CFAP61: variants seen among roughly 807,000 people sequenced by gnomAD.
CFAP61 encodes cilia- and flagella-associated protein 61.
In CFAP61, 107 loss-of-function variants were observed where a neutral mutation model predicts 135.6. That is an observed-to-expected ratio of 0.79 (90% CI 0.67 to 0.93). The LOEUF is 0.93. CFAP61 is among the 40% of genes least tolerant of loss of function. The pLI is 0.00. For missense variants in CFAP61, 1,507 were observed against 1,556.2 expected (o/e 0.97, Z 0.53); for synonymous variants, 575 against 578.5 (o/e 0.99, Z 0.09).
rs996702657 is a variant in CFAP61 at position 20,075,720 on chromosome 20, A to AT, written c.566+111dup. On this transcript the variant is annotated intron_variant, in intron 6 of 26. Coordinates refer to ENST00000245957, the MANE Select transcript of CFAP61 (RefSeq NM_015585.4). ...CTAAGTGACTATAGCTTAGATCAAA[A>AT]TTTTTTACAATACTCATAAGCATTA... 4.1e-6 allele frequency: 5 copies of AT among 1,221,494 alleles called. No individual in the cohort carries two copies. In the African/African-American group the frequency reaches 6.1e-5, roughly 15 times the overall value. The allele number at this position is 1,221,494 out of a possible 1,614,324, so 75.7% of individuals were successfully genotyped here. A position where few individuals can be genotyped will look rare whatever the true frequency, so the allele number is the denominator to read the frequency against.
rs766390373 is a variant in CFAP61, at chr20:20,056,713, A to G, written c.60A>G (p.Glu20=). The change falls in exon 2 of 27, where the codon GAA becomes GAG. Residue 20 remains glutamate, a synonymous_variant. Transcript: ENST00000245957. The part of the protein sequence containing the change: ...KVEVVHCRRT[E]SQDVYCIKSL... ...AAGTTGTTCATTGCCGAAGAACAGA[A>G]TCACAGGATGTTTATTGTATCAAAA... The G allele has an allele frequency of 5.0e-6, 8 of 1,613,992 alleles. No individual in the cohort carries two copies. The highest frequency in any genetic ancestry group is 2.2e-5 in the South Asian group (2 of 91,084).
chr20:20,125,169 A>G (rs1256169565), intron 8 of CFAP61, among the ~76,000 whole-genome samples: 1 of 151,678 alleles, frequency 6.6e-6, no homozygotes, highest in African/African-American at 2.4e-5. Flanking sequence ...TCAAAGAACC[A>G]TCTTATTGTT....
intron 17 of CFAP61, among the ~76,000 whole-genome samples, chr20:20,212,541 CCT>C (rs2047726438): frequency 6.6e-6 from 1 of 152,132 alleles, no homozygotes; most frequent in African/African-American, 2.4e-5. Context: ...TTTGTCTCTC[CCT>C]GAGCCTGTTT....
chr20:20,174,551 C>T (rs2054466048), intron 13 of CFAP61, among the ~76,000 whole-genome samples: 2 of 152,154 alleles, frequency 1.3e-5, no homozygotes, highest in Admixed American at 1.3e-4. Flanking sequence ...AAAATGGTAG[C>T]TTTACCTGTC....
intron 25 of CFAP61, among the ~76,000 whole-genome samples, chr20:20,338,669 C>T (rs1019013887): frequency 2.6e-5 from 4 of 152,162 alleles, no homozygotes; most frequent in Non-Finnish European, 4.4e-5. Flanking sequence ...TCTCTTTCCC[C>T]GTAGATGTGT....
At chr20:20,207,724 T>C (rs184825008) in intron 17 of CFAP61, among the ~76,000 whole-genome samples, 6 of 152,332 alleles carry the variant, frequency 3.9e-5, no homozygotes, top group African/African-American at 1.4e-4. Flanking sequence ...AAAATAAATA[T>C]GTTATTACAA....
chr20:20,309,646 A>G (rs1026571528), intron 25 of CFAP61, among the ~76,000 whole-genome samples: 32 of 152,166 alleles, frequency 2.1e-4, no homozygotes, highest in Non-Finnish European at 3.8e-4. Context: ...TGCAATGACC[A>G]TTCTTTAGTA....
intron 25 of CFAP61, among the ~76,000 whole-genome samples, chr20:20,317,707 C>G (rs928497512): frequency 6.6e-6 from 1 of 152,136 alleles, no homozygotes; most frequent in Non-Finnish European, 1.5e-5. Context: ...CACTGTCTGC[C>G]AGGCCAGGAT....
chr20:20,145,360 T>C (rs1055301833), intron 9 of CFAP61, among the ~76,000 whole-genome samples: 3 of 152,144 alleles, frequency 2.0e-5, no homozygotes, highest in African/African-American at 7.2e-5. Context: ...GTACCACTAA[T>C]GTTATAAATC....
At chr20:20,278,322 C>G (rs1463287114) in intron 22 of CFAP61, among the ~76,000 whole-genome samples, 1 of 152,206 alleles carries the variant, frequency 6.6e-6, no homozygotes, top group African/African-American at 2.4e-5. Context: ...CACACAACTT[C>G]TGGCAATGTG....
At chr20:20,222,992 A>G (rs1273317001) in intron 17 of CFAP61, among the ~76,000 whole-genome samples, 1 of 152,222 alleles carries the variant, frequency 6.6e-6, no homozygotes, top group African/African-American at 2.4e-5. Context: ...GAATCTTTCC[A>G]TCTTTCATTT....
At chr20:20,237,518 A>G (rs1301273724) in intron 18 of CFAP61, among the ~76,000 whole-genome samples, 1 of 152,150 alleles carries the variant, frequency 6.6e-6, no homozygotes, top group African/African-American at 2.4e-5. Context: ...AGAATCCTCC[A>G]TCCCACACCT....
At chr20:20,341,505 T>G (rs1408991001) in intron 25 of CFAP61, among the ~76,000 whole-genome samples, 1 of 152,268 alleles carries the variant, frequency 6.6e-6, no homozygotes, top group Non-Finnish European at 1.5e-5. Flanking sequence ...TCTTGCAATC[T>G]GTTTTTCTCA....
intron 21 of CFAP61, among the ~76,000 whole-genome samples, chr20:20,275,267 C>A (rs565681391): frequency 6.6e-6 from 1 of 152,296 alleles, no homozygotes; most frequent in Non-Finnish European, 1.5e-5. Flanking sequence ...GGTGTGTAGA[C>A]CACCCACAAC....
intron 9 of CFAP61, 117 bp from the exon 10 acceptor site, chr20:20,159,253 A>G: frequency 3.5e-6 from 3 of 865,642 alleles, no homozygotes; most frequent in Non-Finnish European, 5.7e-6. Flanking sequence ...TCCCAATGCC[A>G]CAAGGCCAGT....
rs3748448 is a variant in CFAP61, at chr20:20,341,808, T to C, written c.3423-23T>C. Reference sequence around the variant, plus strand: ...GGTAATGAGAGGGTTGCCAGCTCACTGAGTCTCTTCTTTCCTTACCAGCTA... The same window carrying C: ...GGTAATGAGAGGGTTGCCAGCTCACCGAGTCTCTTCTTTCCTTACCAGCTA... On this transcript the variant is annotated intron_variant, in intron 25 of 26. Coordinates refer to ENST00000245957, the MANE Select transcript of CFAP61 (RefSeq NM_015585.4). 1.6e-5 allele frequency: 26 copies of C among 1,583,636 alleles called. No individual in the cohort carries two copies. The East Asian group carries it at 5.8e-4, about 35-fold the overall frequency.
intron 22 of CFAP61, among the ~76,000 whole-genome samples, chr20:20,278,078 C>A (rs1456344614): frequency 4.6e-5 from 7 of 152,192 alleles, no homozygotes; most frequent in Non-Finnish European, 1.0e-4. Flanking sequence ...CCTGCCTGTT[C>A]ATGGAGGTCA....
At chr20:20,067,099 A>AT (rs200457811) in intron 2 of CFAP61, among the ~76,000 whole-genome samples, 2,522 of 152,278 alleles carry the variant, frequency 0.017, 68 homozygotes, top group African/African-American at 0.057. Context: ...CTCTTAAAAA[A>AT]AAAAAAGAAA....
intron 6 of CFAP61, among the ~76,000 whole-genome samples, chr20:20,078,332 G>C (rs752132713): frequency 6.6e-6 from 1 of 152,104 alleles, no homozygotes; most frequent in Non-Finnish European, 1.5e-5. Flanking sequence ...TTGGTTACGT[G>C]GTAGGGAAAG....
Sources: allele counts gnomAD v4.1 joint callset (sites outside exome capture counted in the v4.1 genomes callset), GRCh38; gene constraint gnomAD v4.1.1; transcripts MANE v1.5; gene names NCBI Gene and HGNC (gene_info 2026-07-23, HGNC 2026-07-21).